Variants in ROBO1 observed in about 807,000 individuals in gnomAD.
The protein encoded by ROBO1 is roundabout homolog 1.
ROBO1 carries 149 observed loss-of-function variants against 195.9 expected under a neutral mutation model. The ratio of observed to expected loss-of-function variants is 0.76; its 90% confidence interval spans 0.67 to 0.87. The LOEUF (loss-of-function observed/expected upper bound fraction) is 0.87, where lower values mean the gene tolerates loss of function less well. Ranked by LOEUF, ROBO1 falls within the 40% of genes least tolerant of loss-of-function variation. ROBO1 has a pLI of 0.00. For synonymous variants in ROBO1, 816 were observed against 733.2 expected, an observed-to-expected ratio of 1.11 and a Z score of -1.82; for missense variants, 1,933 against 2,068.3, an observed-to-expected ratio of 0.93 and a Z score of 1.27.
intron 3 of ROBO1, among the ~76,000 whole-genome samples, chr3:78,949,469 T>C (rs2040649729): frequency 6.6e-6 from 1 of 151,884 alleles, no homozygotes; most frequent in African/African-American, 2.4e-5. Context: ...TGTAGAAAGC[T>C]GAAACTGGAT....
At chr3:79,434,086 A>C (rs2038790631) in intron 2 of ROBO1, among the ~76,000 whole-genome samples, 2 of 152,210 alleles carry the variant, frequency 1.3e-5, no homozygotes, top group Non-Finnish European at 2.9e-5. Flanking sequence ...TAAAGACTTA[A>C]ATGTTAGACC....
intron 4 of ROBO1, among the ~76,000 whole-genome samples, chr3:78,848,328 G>C (rs889109978): frequency 6.6e-6 from 1 of 152,102 alleles, no homozygotes; most frequent in African/African-American, 2.4e-5. Flanking sequence ...CACAATTACT[G>C]TTGCACCAAC....
chr3:78,696,905 C>T (rs1034087085), intron 8 of ROBO1, among the ~76,000 whole-genome samples: 9 of 151,666 alleles, frequency 5.9e-5, no homozygotes, highest in African/African-American at 2.2e-4. Flanking sequence ...AAAAGTATGG[C>T]AATCATTTTT....
At position 78,598,588 on chromosome 3, in the gene ROBO1, C is replaced by CA. The variant is rs1702977616; in HGVS notation, c.*324dup. Reference sequence around the variant, plus strand: ...GCAGTGCAATGCCATATCTCAGCGGCAAAATGCAAAAGAACAGTTTTGTTC... The same window carrying CA: ...GCAGTGCAATGCCATATCTCAGCGGCAAAAATGCAAAAGAACAGTTTTGTTC... On this transcript the variant is annotated 3_prime_UTR_variant, in exon 31 of 31. Coordinates refer to ENST00000464233, the MANE Select transcript of ROBO1 (RefSeq NM_002941.4). 1 of 225,862 alleles carries CA rather than the reference C, an allele frequency of 4.4e-6. No homozygotes were observed. The highest frequency in any genetic ancestry group is 1.7e-4 in the South Asian group (1 of 5,978). The allele number at this position is 225,862 out of a possible 1,614,324, so 14.0% of individuals were successfully genotyped here.
intron 3 of ROBO1, among the ~76,000 whole-genome samples, chr3:79,098,751 A>T (rs1559657516): frequency 6.6e-6 from 1 of 152,036 alleles, no homozygotes; most frequent in East Asian, 1.9e-4. Flanking sequence ...TTAGAAGGCC[A>T]TAGAAGAGGC....
chr3:79,359,828 G>C (rs2035699257), intron 2 of ROBO1, among the ~76,000 whole-genome samples: 1 of 151,820 alleles, frequency 6.6e-6, no homozygotes, highest in African/African-American at 2.4e-5. Context: ...CAGATACCAA[G>C]CATAAGATAA....
At chr3:78,930,295 C>T (rs1438106066) in intron 4 of ROBO1, among the ~76,000 whole-genome samples, 1 of 152,148 alleles carries the variant, frequency 6.6e-6, no homozygotes, top group African/African-American at 2.4e-5. Context: ...ATAGGCCAGG[C>T]ATGGTGCTAG....
intron 1 of ROBO1, among the ~76,000 whole-genome samples, chr3:79,716,792 T>C (rs1486934451): frequency 6.6e-6 from 1 of 151,904 alleles, no homozygotes; most frequent in Non-Finnish European, 1.5e-5. Context: ...GGACTAAAAC[T>C]GACTAGGTTA....
intron 2 of ROBO1, among the ~76,000 whole-genome samples, chr3:79,238,509 C>T (rs756398764): frequency 2.6e-5 from 4 of 152,176 alleles, no homozygotes; most frequent in Admixed American, 6.6e-5. Flanking sequence ...CTACCATGTG[C>T]TGCCTTTGTG....
At chr3:79,274,597 G>T (rs1391683844) in intron 2 of ROBO1, among the ~76,000 whole-genome samples, 1 of 151,744 alleles carries the variant, frequency 6.6e-6, no homozygotes, top group Non-Finnish European at 1.5e-5. Context: ...AACTAGAAAA[G>T]CAAGAGCCAA....
intron 1 of ROBO1, among the ~76,000 whole-genome samples, chr3:79,654,949 C>A (rs181229453): frequency 1.3e-5 from 2 of 151,828 alleles, no homozygotes; most frequent in African/African-American, 4.8e-5. Flanking sequence ...TAATTTTTTC[C>A]CCTTTATGGT....
intron 2 of ROBO1, among the ~76,000 whole-genome samples, chr3:79,448,819 G>C (rs1475292347): frequency 1.3e-5 from 2 of 152,146 alleles, no homozygotes; most frequent in Non-Finnish European, 2.9e-5. Context: ...TATTGTAAAA[G>C]AAATTCTGCT....
intron 4 of ROBO1, among the ~76,000 whole-genome samples, chr3:78,824,637 T>C (rs899671891): frequency 6.6e-6 from 1 of 152,192 alleles, no homozygotes; most frequent in Admixed American, 6.5e-5. Context: ...AATCAAGTCC[T>C]GATTTAACTG....
At chr3:78,930,694 G>A (rs2039473009) in intron 4 of ROBO1, among the ~76,000 whole-genome samples, 1 of 151,902 alleles carries the variant, frequency 6.6e-6, no homozygotes, top group East Asian at 1.9e-4. Context: ...CAAATCTTTG[G>A]TCCCCAAATC....
rs4068910 is a variant in ROBO1 at position 79,149,513 on chromosome 3, TTTG to T, written c.89-23977_89-23975del. Among the ~76,000 whole-genome samples, 335 of 149,240 alleles carry T rather than the reference TTTG, an allele frequency of 2.2e-3. 1 individual carries two copies. Among genetic ancestry groups the T allele is most frequent in the African/African-American group, 5.5e-3 (222 of 40,550 alleles). On this transcript the variant is annotated intron_variant, in intron 2 of 30. Coordinates refer to ENST00000464233, the MANE Select transcript of ROBO1 (RefSeq NM_002941.4). ...GCTTATTCAGTCTCTTCGAACTGTGTTTGTTGTTGTTGTTGTTGTTGTTGTTGT... is the reference window on the plus strand; with the variant it reads ...GCTTATTCAGTCTCTTCGAACTGTGTTTGTTGTTGTTGTTGTTGTTGTTGT...
intron 3 of ROBO1, among the ~76,000 whole-genome samples, chr3:78,994,417 A>C (rs543924119): frequency 1.3e-3 from 201 of 152,284 alleles, no homozygotes; most frequent in Non-Finnish European, 2.2e-3. Context: ...TATTTTATGG[A>C]GGTAAACCAC....
At chr3:79,414,558 T>C (rs1027804904) in intron 2 of ROBO1, among the ~76,000 whole-genome samples, 2 of 152,122 alleles carry the variant, frequency 1.3e-5, no homozygotes, top group Admixed American at 6.6e-5. Flanking sequence ...TTAGAAGATG[T>C]TATAGATAAA....
intron 2 of ROBO1, among the ~76,000 whole-genome samples, chr3:79,147,652 T>A (rs897291407): frequency 6.6e-6 from 1 of 151,952 alleles, no homozygotes; most frequent in African/African-American, 2.4e-5. Context: ...AAAAGTTTGA[T>A]CACATTTAAG....
At chr3:79,491,895 A>G (rs922515694) in intron 2 of ROBO1, among the ~76,000 whole-genome samples, 1 of 151,918 alleles carries the variant, frequency 6.6e-6, no homozygotes, top group Non-Finnish European at 1.5e-5. Flanking sequence ...GTTCAGGTGA[A>G]GAGGTAAATG....
Sources: gnomAD v4.1 joint callset for allele counts (sites outside exome capture counted in the v4.1 genomes callset) on GRCh38, gnomAD v4.1.1 for gene constraint, MANE v1.5 for transcripts, NCBI Gene and HGNC (gene_info 2026-07-23, HGNC 2026-07-21) for gene names.